Variants in NAALADL2 observed in about 807,000 individuals in gnomAD.
NAALADL2 encodes the protein inactive N-acetylated-alpha-linked acidic dipeptidase-like protein 2.
A neutral mutation model predicts 87.2 loss-of-function variants in NAALADL2; 76 were observed. The observed-to-expected ratio is 0.87, with a 90% CI of 0.72 to 1.05. The LOEUF is 1.05. Among genes scored for constraint, NAALADL2 ranks in the 50% least tolerant of loss-of-function variants. The pLI is 0.00. For missense variants in NAALADL2, 1,089 were observed against 945.8 expected (o/e 1.15, Z -1.99); for synonymous variants, 354 against 331.0 (o/e 1.07, Z -0.75).
chr3:175,533,763 A>G (rs1397574063), intron 9 of NAALADL2, among the ~76,000 whole-genome samples: 1 of 152,016 alleles, frequency 6.6e-6, no homozygotes, highest in Non-Finnish European at 1.5e-5. Flanking sequence ...GTTTTCCACA[A>G]TTTCAGCTTT....
intron 2 of NAALADL2, among the ~76,000 whole-genome samples, chr3:174,629,577 A>G (rs1464420801): frequency 2.6e-5 from 4 of 152,202 alleles, no homozygotes; most frequent in Non-Finnish European, 4.4e-5. Flanking sequence ...TGTATTTATA[A>G]TATGCTTTTA....
At chr3:174,447,891 A>G (rs957138730) in intron 1 of NAALADL2, among the ~76,000 whole-genome samples, 4 of 152,172 alleles carry the variant, frequency 2.6e-5, no homozygotes, top group Admixed American at 1.3e-4. Flanking sequence ...TCCATAGACT[A>G]TATTTTCTGA....
intron 1 of NAALADL2, among the ~76,000 whole-genome samples, chr3:175,045,511 G>A (rs956563827): frequency 2.6e-5 from 4 of 152,062 alleles, no homozygotes; most frequent in Non-Finnish European, 5.9e-5. Context: ...ATCTGTGAAG[G>A]GTTTGAGATT....
At chr3:175,176,474 G>T (rs1251403909) in intron 2 of NAALADL2, among the ~76,000 whole-genome samples, 1 of 152,064 alleles carries the variant, frequency 6.6e-6, no homozygotes, top group Middle Eastern at 3.2e-3. Context: ...CAGAATAATG[G>T]TTCCCAATTG....
chr3:175,497,622 T>A (rs969574626), intron 9 of NAALADL2, among the ~76,000 whole-genome samples: 1 of 152,146 alleles, frequency 6.6e-6, no homozygotes, highest in Non-Finnish European at 1.5e-5. Context: ...AGCCAAACAC[T>A]TAATCTAAAT....
In NAALADL2 at chr3:174,951,664, A is replaced by G. The variant is rs554280029; in HGVS notation, c.43+92214A>G. Among the ~76,000 whole-genome samples, 9 of 152,258 alleles carry G rather than the reference A, an allele frequency of 5.9e-5. No individual in the cohort carries two copies. In the Middle Eastern group the frequency reaches 0.01, roughly 173 times the overall value. ...TTTTATATTCTTTTTACTTGTCGATAGACGCCTTCAACTTTAAATGTTGTA... is the reference window on the plus strand; with the variant it reads ...TTTTATATTCTTTTTACTTGTCGATGGACGCCTTCAACTTTAAATGTTGTA... On this transcript the variant is annotated intron_variant, in intron 1 of 13. Coordinates refer to ENST00000454872, the MANE Select transcript of NAALADL2 (RefSeq NM_207015.3).
intron 9 of NAALADL2, among the ~76,000 whole-genome samples, chr3:175,547,274 T>C (rs1317013060): frequency 1.3e-5 from 2 of 152,012 alleles, no homozygotes; most frequent in African/African-American, 4.8e-5. Context: ...CACCTACAAC[T>C]ATCTGATCTT....
Position 174,648,369 on chromosome 3 carries a change from C to A in NAALADL2, c.-114-89272C>A, listed in dbSNP as rs564972266. ...AAAAAAAAACAAACCTTTGTCATAG[C>A]TATGTATGCATAGGAGAAAACTTAG... On this transcript the variant is annotated intron_variant, in intron 2 of 3. Transcript: ENST00000434257. Among the ~76,000 whole-genome samples, 6 of 151,510 alleles carry A rather than the reference C, an allele frequency of 4.0e-5. No individual in the cohort carries two copies. In the South Asian group the frequency reaches 1.3e-3, roughly 32 times the overall value.
At chr3:174,684,554 C>A (rs1336865821) in intron 2 of NAALADL2, among the ~76,000 whole-genome samples, 2 of 152,040 alleles carry the variant, frequency 1.3e-5, no homozygotes, top group Admixed American at 6.6e-5. Context: ...GACATCCTTG[C>A]TGAGATTCAT....
At chr3:175,133,013 C>T (rs1161983290) in intron 2 of NAALADL2, among the ~76,000 whole-genome samples, 5 of 151,278 alleles carry the variant, frequency 3.3e-5, no homozygotes, top group African/African-American at 9.7e-5. Flanking sequence ...GACGGAGTCG[C>T]AGCCAGGTAG....
chr3:174,957,794 G>A (rs1741371161), intron 1 of NAALADL2, among the ~76,000 whole-genome samples: 1 of 151,962 alleles, frequency 6.6e-6, no homozygotes, highest in African/African-American at 2.4e-5. Context: ...TCAATGAATT[G>A]AATAAAGAAG....
intron 3 of NAALADL2, among the ~76,000 whole-genome samples, chr3:174,828,243 C>T (rs1470736610): frequency 1.3e-5 from 2 of 152,102 alleles, no homozygotes; most frequent in Admixed American, 6.5e-5. Context: ...TCTTATAGCA[C>T]AGCAGTGGCT....
chr3:175,474,468 A>C (rs1200072003), intron 9 of NAALADL2, among the ~76,000 whole-genome samples: 1 of 152,208 alleles, frequency 6.6e-6, no homozygotes, highest in African/African-American at 2.4e-5. Flanking sequence ...TGGTAGTCCC[A>C]CAGTATCTGG....
chr3:174,969,421 G>T (rs892944104), intron 1 of NAALADL2, among the ~76,000 whole-genome samples: 1 of 152,050 alleles, frequency 6.6e-6, no homozygotes, highest in Non-Finnish European at 1.5e-5. Context: ...AGGATATTTT[G>T]TAATCTGCAC....
In NAALADL2 at chr3:175,362,276, T is replaced by A. The variant is rs375774774; in HGVS notation, c.1090+37951T>A. Among the ~76,000 whole-genome samples, 30 of 147,762 alleles carry A rather than the reference T, an allele frequency of 2.0e-4. 2 individuals are homozygous for A. Among genetic ancestry groups the A allele is most frequent in the African/African-American group, 5.1e-4 (21 of 40,806 alleles). On this transcript the variant is annotated intron_variant, in intron 5 of 13. Coordinates refer to ENST00000454872, the MANE Select transcript of NAALADL2 (RefSeq NM_207015.3). The stretch of plus-strand genomic sequence containing the variant: ...GCTGTTTTGGTTACTGTAGCCTTGT[T>A]GTATAGTTTGAAGTCAGGTAGCGTG...
intron 5 of NAALADL2, among the ~76,000 whole-genome samples, chr3:175,331,856 C>G (rs1346858780): frequency 1.3e-5 from 2 of 152,064 alleles, no homozygotes; most frequent in African/African-American, 4.8e-5. Flanking sequence ...TAATAAAACT[C>G]AAAAATCTTA....
At chr3:175,394,212 A>G (rs768581072) in intron 5 of NAALADL2, among the ~76,000 whole-genome samples, 1 of 152,234 alleles carries the variant, frequency 6.6e-6, no homozygotes, top group African/African-American at 2.4e-5. Context: ...AGACCAAATG[A>G]AATCAATGAT....
At chr3:174,482,794 G>A (rs1167850249) in intron 1 of NAALADL2, among the ~76,000 whole-genome samples, 4 of 151,868 alleles carry the variant, frequency 2.6e-5, no homozygotes, top group Admixed American at 1.3e-4. Flanking sequence ...AACTTTGATT[G>A]TCTGAGACAT....
At chr3:174,558,037 C>A (rs1252282290) in intron 2 of NAALADL2, among the ~76,000 whole-genome samples, 3 of 152,090 alleles carry the variant, frequency 2.0e-5, no homozygotes, top group African/African-American at 7.2e-5. Flanking sequence ...TACCAAAATT[C>A]CAGACTCTCA....
Sources: gnomAD v4.1 joint callset for allele counts (sites outside exome capture counted in the v4.1 genomes callset) on GRCh38, gnomAD v4.1.1 for gene constraint, MANE v1.5 for transcripts, NCBI Gene and HGNC (gene_info 2026-07-23, HGNC 2026-07-21) for gene names.